The following SUSD4 variants were observed in gnomAD, a reference collection of about 807,000 sequenced individuals.
SUSD4 encodes sushi domain-containing protein 4.
SUSD4 carries 41 observed loss-of-function variants against 50.5 expected under a neutral mutation model. The ratio of observed to expected loss-of-function variants is 0.81; its 90% CI spans 0.63 to 1.05. The LOEUF is 1.05. Among genes scored for constraint, SUSD4 ranks in the 50% least tolerant of loss-of-function variants. SUSD4 has a pLI of 0.00. For missense variants in SUSD4, 580 were observed against 634.7 expected (o/e 0.91, Z 0.93); for synonymous variants, 257 against 257.3 (o/e 1.00, Z 0.01).
At chr1:223,350,264 G>A (rs1214279889) in intron 2 of SUSD4, among the ~76,000 whole-genome samples, 2 of 152,252 alleles carry the variant, frequency 1.3e-5, no homozygotes, top group Non-Finnish European at 2.9e-5. Flanking sequence ...GGACTGTACT[G>A]TGTTCTTATT....
chr1:223,308,421 C>T (rs73122267), intron 2 of SUSD4, among the ~76,000 whole-genome samples: 3 of 152,282 alleles, frequency 2.0e-5, no homozygotes, highest in African/African-American at 7.2e-5. Context: ...GACGCCTCCC[C>T]AGAAGCCCAG....
At position 223,229,565 on chromosome 1, in the gene SUSD4, T is replaced by C. The variant is rs558414069; in HGVS notation, c.725-177A>G. ...TTTTAGTATTTCATGGAAGGCGGAATGGAAGCCTGCTGTAATATTCTGAGC... is the reference window on the plus strand; with the variant it reads ...TTTTAGTATTTCATGGAAGGCGGAACGGAAGCCTGCTGTAATATTCTGAGC... On this transcript the variant is annotated intron_variant, in intron 5 of 8. Coordinates refer to ENST00000366878, the MANE Select transcript of SUSD4 (RefSeq NM_017982.4). The surrounding 1 kb of genome is among the most constrained non-coding windows in gnomAD (Gnocchi z 4.7). The C allele has an allele frequency of 6.3e-4, 366 of 579,974 alleles. 13 individuals carry two copies. The South Asian group carries it at 0.011, about 17-fold the overall frequency. 35.9% of individuals were successfully genotyped at this position (579,974 alleles called of 1,614,324 possible).
chr1:223,280,087 C>T (rs1227723007), intron 3 of SUSD4, among the ~76,000 whole-genome samples: 4 of 152,062 alleles, frequency 2.6e-5, no homozygotes, highest in Non-Finnish European at 5.9e-5. Flanking sequence ...CTGAAGGAAG[C>T]ACTAAACATG....
chr1:223,297,545 T>C (rs1664907228), intron 2 of SUSD4, among the ~76,000 whole-genome samples: 1 of 152,164 alleles, frequency 6.6e-6, no homozygotes, highest in Non-Finnish European at 1.5e-5. Flanking sequence ...AGGGAAGTCA[T>C]GCCAGAACCT....
chr1:223,223,446 C>T lies in SUSD4; in HGVS notation c.1247G>A (p.Gly416Asp), dbSNP rs749012147. The T allele has an allele frequency of 6.2e-7, 1 of 1,613,884 alleles. No individual in the cohort carries two copies. Among genetic ancestry groups the T allele is most frequent in the Non-Finnish European group, 8.5e-7 (1 of 1,179,952 alleles). Residue 416 changes from glycine to aspartate, a missense_variant, in exon 8 of 9, where the codon GGC becomes GAC. Coordinates refer to ENST00000366878, the MANE Select transcript of SUSD4 (RefSeq NM_017982.4). Reference protein sequence around the residue: ...VDDQSPPAYPGSGDTDTGPGE... With the variant: ...VDDQSPPAYPDSGDTDTGPGE... ...TGGGCCTGTGTCCGTGTCCCCTGAG[C>T]CGGGGTATGCTGGGGGGCTCTGGTC...
intron 2 of SUSD4, among the ~76,000 whole-genome samples, chr1:223,315,912 A>G (rs997678392): frequency 6.6e-6 from 1 of 152,164 alleles, no homozygotes; most frequent in Non-Finnish European, 1.5e-5. Context: ...TGCTAGACAT[A>G]TACAGTCTGT....
At chr1:223,283,429 C>T (rs1311645106) in intron 3 of SUSD4, among the ~76,000 whole-genome samples, 1 of 152,114 alleles carries the variant, frequency 6.6e-6, no homozygotes, top group Non-Finnish European at 1.5e-5. Context: ...AGGATATGAA[C>T]AGATACTTCT....
rs1659712050 is a variant in SUSD4 at position 223,229,039 on chromosome 1, A to G, written c.916+158T>C. On this transcript the variant is annotated intron_variant, in intron 6 of 8. Transcript: ENST00000366878. The surrounding 1 kb of genome is among the most constrained non-coding windows in gnomAD (Gnocchi z 4.7). ...CTACAAGCATCTGGCACAGAGCCCA[A>G]CAGCAGCCCCATCGACCCGCAATGA... is the stretch of plus-strand genomic sequence containing the variant. 6.6e-6 allele frequency among the ~76,000 whole-genome samples: 1 copy of G among 151,994 alleles called. No individual in the cohort carries two copies. Among genetic ancestry groups the G allele is most frequent in the African/African-American group, 2.4e-5 (1 of 41,406 alleles).
intron 2 of SUSD4, among the ~76,000 whole-genome samples, chr1:223,323,565 G>C (rs1012727695): frequency 1.3e-5 from 2 of 152,152 alleles, no homozygotes; most frequent in South Asian, 4.1e-4. Context: ...AGACAGGGAT[G>C]GGGGCTTCAT....
chr1:223,229,500 T>A lies in SUSD4; in HGVS notation c.725-112A>T. 9.8e-7 allele frequency: 1 copy of A among 1,021,436 alleles called. No individual in the cohort carries two copies. Among genetic ancestry groups the A allele is most frequent in the Non-Finnish European group, 1.4e-6 (1 of 728,044 alleles). 63.3% of individuals were successfully genotyped at this position (1,021,436 alleles called of 1,614,324 possible). A position where few individuals can be genotyped will look rare whatever the true frequency, so the allele number is the denominator to read the frequency against. ...CTCAGTTAAAAATGTGCTTATGGAT[T>A]AATCACCAGGCTACTGAGTTGCATT... On this transcript the variant is annotated intron_variant, in intron 5 of 8. Coordinates refer to ENST00000366878, the MANE Select transcript of SUSD4 (RefSeq NM_017982.4). This position sits in a 1 kb window ranked among gnomAD's most constrained non-coding sequence, Gnocchi z 4.7.
At chr1:223,341,738 G>A (rs548631485) in intron 2 of SUSD4, among the ~76,000 whole-genome samples, 19 of 152,276 alleles carry the variant, frequency 1.2e-4, no homozygotes, top group Admixed American at 9.8e-4. Context: ...CCCCTTCCCA[G>A]TTAGTGACCA....
At chr1:223,275,418 G>A (rs1315754442) in intron 3 of SUSD4, among the ~76,000 whole-genome samples, 1 of 151,978 alleles carries the variant, frequency 6.6e-6, no homozygotes, top group Non-Finnish European at 1.5e-5. Flanking sequence ...CCACCTTCTG[G>A]AAAGTTCAAC....
At chr1:223,319,824 C>T (rs1247884153) in intron 2 of SUSD4, among the ~76,000 whole-genome samples, 2 of 152,202 alleles carry the variant, frequency 1.3e-5, no homozygotes, top group African/African-American at 4.8e-5. Flanking sequence ...TAGGAGCATG[C>T]TTCCCCTCCC....
chr1:223,272,306 C>G (rs1473207585), intron 3 of SUSD4, among the ~76,000 whole-genome samples: 1 of 152,202 alleles, frequency 6.6e-6, no homozygotes, highest in Admixed American at 6.5e-5. Context: ...TGAAGGATAT[C>G]AAAGCCTTCC....
chr1:223,283,074 T>C (rs1453562954), intron 3 of SUSD4, among the ~76,000 whole-genome samples: 1 of 152,070 alleles, frequency 6.6e-6, no homozygotes, highest in Non-Finnish European at 1.5e-5. Context: ...TATATGAAAA[T>C]TAAATTCAAG....
intron 2 of SUSD4, among the ~76,000 whole-genome samples, chr1:223,350,104 C>T (rs375607024): frequency 1.7e-4 from 26 of 152,160 alleles, no homozygotes; most frequent in African/African-American, 4.8e-4. Flanking sequence ...AGAACCCAGC[C>T]GTGCTGGCAC....
At position 223,292,504 on chromosome 1, in the gene SUSD4, C is replaced by T. The variant is rs753317874; in HGVS notation, c.296G>A (p.Cys99Tyr). 1.9e-6 allele frequency: 3 copies of T among 1,614,094 alleles called. No homozygotes were observed. The highest frequency in any genetic ancestry group is 2.7e-5 in the African/African-American group (2 of 74,942). ...FKLKGATKRLCLKHFNGTLGW... is the reference protein window; with the variant it reads ...FKLKGATKRLYLKHFNGTLGW... ...TAGGGTTCCATTAAAATGCTTCAAA[C>T]ACAGTCTCTTTGTAGCGCCCTTCAG... The change falls in exon 3 of 9, where the codon TGT becomes TAT. Residue 99 changes from cysteine to tyrosine, a missense_variant. Physicochemically the swap from Cys to Tyr is radical, Grantham distance 194 (BLOSUM62 -2). Coordinates refer to ENST00000366878, the MANE Select transcript of SUSD4 (RefSeq NM_017982.4).
chr1:223,289,480 C>T (rs1411894352), intron 3 of SUSD4, among the ~76,000 whole-genome samples: 1 of 152,166 alleles, frequency 6.6e-6, no homozygotes, highest in Non-Finnish European at 1.5e-5. Flanking sequence ...GATCTGTGCG[C>T]ACCCAAGAGA....
intron 2 of SUSD4, among the ~76,000 whole-genome samples, chr1:223,339,209 G>A (rs973000721): frequency 1.3e-5 from 2 of 152,222 alleles, no homozygotes; most frequent in Admixed American, 6.5e-5. Context: ...ACATGAGTTT[G>A]GTGTTTGCGT....
Sources: gnomAD v4.1 joint callset for allele counts (sites outside exome capture counted in the v4.1 genomes callset) on GRCh38, gnomAD v4.1.1 for gene constraint, Gnocchi (gnomAD v3.1) non-coding constraint, MANE v1.5 for transcripts, NCBI Gene and HGNC (gene_info 2026-07-23, HGNC 2026-07-21) for gene names.